Variants in CTRC observed in about 807,000 individuals in gnomAD.
CTRC encodes the protein chymotrypsin-C.
In CTRC, 32 loss-of-function variants were observed where a neutral mutation model predicts 35.7. That is an observed-to-expected ratio of 0.90 (90% confidence interval 0.68 to 1.20). The LOEUF (loss-of-function observed/expected upper bound fraction) is 1.20. CTRC is among the 50% of genes most tolerant of loss of function. CTRC has a pLI of 0.00. For synonymous variants in CTRC, 119 were observed against 149.5 expected, an observed-to-expected ratio of 0.80 and a Z score of 1.49; for missense variants, 324 against 361.5, an observed-to-expected ratio of 0.90 and a Z score of 0.84.
Position 15,445,701 on chromosome 1 carries a change from G to A in CTRC, c.744G>A (p.Lys248=). 1 of 1,613,968 alleles carries A rather than the reference G, an allele frequency of 6.2e-7. No individual in the cohort carries two copies. The highest frequency in any genetic ancestry group is 8.5e-7 in the Non-Finnish European group (1 of 1,179,826). The change falls in exon 7 of 8, where the codon AAG becomes AAA. Residue 248 remains lysine, a synonymous_variant. Transcript: ENST00000375949. ...GSRRGCNTRK[K]PVVYTRVSAY... is the part of the protein sequence containing the mutation. Reference sequence around the variant, plus strand: ...GGCGGGGCTGCAACACCCGCAAGAAGCCGGTAGTCTACACCCGGGTGTCCG... The same window carrying A: ...GGCGGGGCTGCAACACCCGCAAGAAACCGGTAGTCTACACCCGGGTGTCCG...
chr1:15,440,820 T>A (rs1432185733), intron 3 of CTRC, among the ~76,000 whole-genome samples: 1 of 152,330 alleles, frequency 6.6e-6, no homozygotes, highest in African/African-American at 2.4e-5. Context: ...TATATTTTTG[T>A]GGAAGACAGA....
chr1:15,442,209 C>G (rs1041407273), intron 3 of CTRC, among the ~76,000 whole-genome samples: 18 of 152,160 alleles, frequency 1.2e-4, no homozygotes, highest in African/African-American at 4.1e-4. Flanking sequence ...GCATTGCCTC[C>G]CCCTTACAGA....
intron 3 of CTRC, 95 bp from the exon 4 acceptor site, chr1:15,442,352 A>C (rs1272105333): frequency 3.4e-6 from 5 of 1,477,188 alleles, no homozygotes; most frequent in Non-Finnish European, 4.6e-6. Flanking sequence ...CTCTTCCCCC[A>C]AAATGAGTCC....
At position 15,444,665 on chromosome 1, in the gene CTRC, A is replaced by C; in HGVS notation, c.553A>C (p.Thr185Pro). ...CCTGCAGCCCGTGGTGGATCACGCC[A>C]CGTGCTCCAGGATTGACTGGTGGGG... ...QGLQPVVDHA[T>P]CSRIDWWGFR... is the part of the protein sequence containing the mutation. Residue 185 changes from threonine (T) to proline (P), a missense_variant, in exon 6 of 8, where the codon ACG (threonine) becomes CCG (proline). By Grantham distance (38) the Thr-to-Pro change is conservative (BLOSUM62 -1). Coordinates refer to ENST00000375949, the MANE Select transcript of CTRC (RefSeq NM_007272.3). 1 of 1,614,194 alleles carries C rather than the reference A, an allele frequency of 6.2e-7. No individual in the cohort carries two copies. The highest frequency in any genetic ancestry group is 2.2e-5 in the East Asian group (1 of 44,888).
intron 1 of CTRC, among the ~76,000 whole-genome samples, chr1:15,439,084 G>C (rs1167458753): frequency 6.6e-6 from 1 of 152,096 alleles, no homozygotes; most frequent in Non-Finnish European, 1.5e-5. Flanking sequence ...CGCTATGCTA[G>C]GCCCCTTACA....
At position 15,445,562 on chromosome 1, in the gene CTRC, G is replaced by T. The variant is rs10927786; in HGVS notation, c.640-35G>T. ...CTTCCCAAGACTTCCTCTGGGGGGGGGCCTGGTGGCTTATGCCCTCCCGGT... is the reference window on the plus strand; with the variant it reads ...CTTCCCAAGACTTCCTCTGGGGGGGTGCCTGGTGGCTTATGCCCTCCCGGT... On this transcript the variant is annotated intron_variant, in intron 6 of 7. Transcript: ENST00000375949. 583,693 of 1,604,500 alleles carry T rather than the reference G, an allele frequency of 0.36. 107,680 individuals are homozygous for T. Among genetic ancestry groups the T allele is most frequent in the Middle Eastern group, 0.43 (2,550 of 5,960 alleles).
chr1:15,446,005 T>TTCAA (rs1485711482), intron 7 of CTRC, among the ~76,000 whole-genome samples: 1 of 151,980 alleles, frequency 6.6e-6, no homozygotes, highest in Non-Finnish European at 1.5e-5. Flanking sequence ...CATTCATGTA[T>TTCAA]TCATTCATTC....
chr1:15,440,740 A>G, intron 3 of CTRC, 150 bp downstream of exon 3: 1 of 729,114 alleles, frequency 1.4e-6, no homozygotes, highest in Non-Finnish European at 2.4e-6. Flanking sequence ...TAGTCAGTCA[A>G]GTATTCATTG....
At chr1:15,439,502 G>A (rs1708092480) in intron 1 of CTRC, among the ~76,000 whole-genome samples, 1 of 152,062 alleles carries the variant, frequency 6.6e-6, no homozygotes, top group South Asian at 2.1e-4. Flanking sequence ...AGGACATCGA[G>A]GTTCCGTGCG....
chr1:15,443,835 TTAGGGG>T (rs371298812), intron 5 of CTRC, among the ~76,000 whole-genome samples: 10 of 152,128 alleles, frequency 6.6e-5, no homozygotes, highest in African/African-American at 2.4e-4. Flanking sequence ...AAATAAACCA[TTAGGGG>T]TAGGGGATGA....
chr1:15,443,334 C>T, intron 4 of CTRC, 85 bp from the exon 5 acceptor site: 5 of 1,568,540 alleles, frequency 3.2e-6, no homozygotes, highest in South Asian at 2.2e-5. Context: ...GGGCCTGACT[C>T]CCAACTCACA....
Position 15,446,626 on chromosome 1 carries a change from C to G in CTRC, c.*37C>G. 5 of 1,613,648 alleles carry G rather than the reference C, an allele frequency of 3.1e-6. No homozygotes were observed. The highest frequency in any genetic ancestry group is 4.2e-6 in the Non-Finnish European group (5 of 1,179,530). On this transcript the variant is annotated 3_prime_UTR_variant, in exon 8 of 8. Transcript: ENST00000375949. Reference sequence around the variant, plus strand: ...GAGCGGCGGCAGCGAGTCCCTGCAACAGCAATAAACTTCCTTCTCCTCGGG... The same window carrying G: ...GAGCGGCGGCAGCGAGTCCCTGCAAGAGCAATAAACTTCCTTCTCCTCGGG...
intron 3 of CTRC, among the ~76,000 whole-genome samples, chr1:15,441,661 G>T (rs1372076872): frequency 6.6e-6 from 1 of 150,694 alleles, no homozygotes; most frequent in Non-Finnish European, 1.5e-5. Context: ...AATATATATT[G>T]CAACATATTT....
At chr1:15,444,007 T>G (rs1708176851) in intron 5 of CTRC, among the ~76,000 whole-genome samples, 1 of 151,998 alleles carries the variant, frequency 6.6e-6, no homozygotes, top group Non-Finnish European at 1.5e-5. Flanking sequence ...AATCCCGACA[T>G]TTTAGGAAGC....
intron 3 of CTRC, among the ~76,000 whole-genome samples, chr1:15,441,993 C>T (rs1037895224): frequency 4.6e-5 from 7 of 152,122 alleles, no homozygotes; most frequent in African/African-American, 1.7e-4. Flanking sequence ...CCCCCCGTCT[C>T]GGCTTCCCAA....
chr1:15,444,732 G>A lies in CTRC; in HGVS notation c.620G>A (p.Gly207Asp). The A allele has an allele frequency of 8.7e-6, 14 of 1,614,244 alleles. No individual in the cohort carries two copies. The highest frequency in any genetic ancestry group is 1.2e-5 in the Non-Finnish European group (14 of 1,180,046). ...KKTMVCAGGD[G>D]VISACNGDSG... ...ACCATGGTGTGCGCTGGGGGCGATG[G>A]CGTCATCTCAGCCTGCAATGTGAGT... The change falls in exon 6 of 8, where the codon GGC becomes GAC. Residue 207 changes from glycine (G) to aspartate (D), a missense_variant. By Grantham distance (94) the Gly-to-Asp change is moderately conservative. Coordinates refer to ENST00000375949, the MANE Select transcript of CTRC (RefSeq NM_007272.3).
rs1487923961 is a variant in CTRC, at chr1:15,446,592, T to G, written c.*3T>G. On this transcript the variant is annotated 3_prime_UTR_variant, in exon 8 of 8. Transcript: ENST00000375949. ...TCCTCCAGAAAATGCAGCTGTGATT[T>G]GTTGCTGGGAGCGGCGGCAGCGAGT... The G allele has an allele frequency of 6.2e-7, 1 of 1,614,130 alleles. No individual in the cohort carries two copies. Among genetic ancestry groups the G allele is most frequent in the Non-Finnish European group, 8.5e-7 (1 of 1,180,044 alleles).
intron 1 of CTRC, 74 bp from the exon 2 acceptor site, chr1:15,440,226 G>GGGGGGCCCCCCCCCCC: frequency 1.9e-6 from 1 of 523,580 alleles, no homozygotes; most frequent in Non-Finnish European, 3.7e-6. Flanking sequence ...TCTTCCACCT[G>GGGGGGCCCCCCCCCCC]CCCACCCTCC....
Position 15,439,423 on chromosome 1 carries a change from C to CA in CTRC, c.41-861dup, listed in dbSNP as rs35524971. Among the ~76,000 whole-genome samples, 296 of 110,816 alleles carry CA rather than the reference C, an allele frequency of 2.7e-3. 2 individuals carry two copies. The highest frequency in any genetic ancestry group is 8.6e-3 in the East Asian group (31 of 3,622). 72.7% of individuals were successfully genotyped at this position (110,816 alleles called of 152,430 possible). On this transcript the variant is annotated intron_variant, in intron 1 of 7. Transcript: ENST00000375949. ...GGGCAACAAGAGTGAAACTCCGTCT[C>CA]AAAAAAAAAAAAAAAAGAAAAAGAA...
Sources: allele counts gnomAD v4.1 joint callset (sites outside exome capture counted in the v4.1 genomes callset), GRCh38; gene constraint gnomAD v4.1.1; transcripts MANE v1.5; gene names NCBI Gene and HGNC (gene_info 2026-07-23, HGNC 2026-07-21).